The following ZYG11B variants were observed in gnomAD, a reference collection of about 807,000 sequenced individuals.
ZYG11B encodes the protein zyg-11 family member B, cell cycle regulator, also known as protein zyg-11 homolog B.
A neutral mutation model predicts 82.4 loss-of-function variants in ZYG11B; 36 were observed. The ratio of observed to expected loss-of-function variants is 0.44; its 90% CI spans 0.33 to 0.58. The LOEUF (loss-of-function observed/expected upper bound fraction) is 0.58, where lower values mean the gene tolerates loss of function less well. ZYG11B is among the 20% of genes least tolerant of loss of function. The pLI is 0.02. For missense variants in ZYG11B, 552 were observed against 895.6 expected (o/e 0.62, Z 4.90); for synonymous variants, 303 against 312.8 (o/e 0.97, Z 0.33).
chr1:52,812,324 T>A (rs1412983476), intron 10 of ZYG11B, among the ~76,000 whole-genome samples: 2 of 152,206 alleles, frequency 1.3e-5, no homozygotes, highest in African/African-American at 4.8e-5. Context: ...TCTTATACTT[T>A]GTTCTTGCAT....
chr1:52,771,695 G>A lies in ZYG11B; in HGVS notation c.872G>A (p.Arg291His), dbSNP rs749724741. Reference sequence around the variant, plus strand: ...GCCGTTGAAGCCTTTATACAACAACGTCCAAGCATGCAATTTGTAGGTTTG... The same window carrying A: ...GCCGTTGAAGCCTTTATACAACAACATCCAAGCATGCAATTTGTAGGTTTG... ...DKAVEAFIQQRPSMQFVGLLA... is the reference protein window; with the variant it reads ...DKAVEAFIQQHPSMQFVGLLA... The change falls in exon 3 of 14, where the codon CGT becomes CAT. Residue 291 changes from arginine to histidine, a missense_variant. Physicochemically the swap from Arg to His is conservative, Grantham distance 29. Coordinates refer to ENST00000294353, the MANE Select transcript of ZYG11B (RefSeq NM_024646.3). This position sits in a 1 kb window ranked among gnomAD's most constrained non-coding sequence, Gnocchi z 5.4. 5 of 1,614,168 alleles carry A rather than the reference G, an allele frequency of 3.1e-6. No individual in the cohort carries two copies. The highest frequency in any genetic ancestry group is 1.7e-5 in the Admixed American group (1 of 60,012).
chr1:52,790,479 C>G (rs1242705942), intron 6 of ZYG11B, among the ~76,000 whole-genome samples: 12 of 151,720 alleles, frequency 7.9e-5, no homozygotes. Context: ...GCCTATAATC[C>G]CAGCGCTTTA....
At chr1:52,747,163 C>T (rs1276353558) in intron 1 of ZYG11B, among the ~76,000 whole-genome samples, 2 of 151,924 alleles carry the variant, frequency 1.3e-5, no homozygotes, top group African/African-American at 4.8e-5. Context: ...GTTGATCAGT[C>T]TTTGAAAGAA....
In ZYG11B at chr1:52,771,317, G is replaced by A. The variant is rs771959998; in HGVS notation, c.494G>A (p.Arg165Gln). 2 of 1,614,140 alleles carry A rather than the reference G, an allele frequency of 1.2e-6. No individual in the cohort carries two copies. The highest frequency in any genetic ancestry group is 1.7e-6 in the Non-Finnish European group (2 of 1,180,038). ...TGCTTCAGCCGGCTTTCTGGCCTTC[G>A]AGCTTTAAGCATCACGAATGTTCTC... ...ERCFSRLSGL[R>Q]ALSITNVLFY... Residue 165 changes from arginine (R) to glutamine (Q), a missense_variant, in exon 3 of 14, where the codon CGA becomes CAA. This residue lies in a region of ZYG11B where 359 missense variants were observed against 555.8 expected (regional missense o/e 0.65). Transcript: ENST00000294353. The surrounding 1 kb of genome is among the most constrained non-coding windows in gnomAD (Gnocchi z 5.4).
At chr1:52,817,777 G>GTGTATATATATATATA (rs1352242565) in intron 13 of ZYG11B, among the ~76,000 whole-genome samples, 14 of 41,534 alleles carry the variant, frequency 3.4e-4, no homozygotes, top group African/African-American at 3.7e-4. Flanking sequence ...ATATATATGT[G>GTGTATATATATATATA]TATATATATA....
At chr1:52,787,700 A>G (rs1220957770) in intron 5 of ZYG11B, among the ~76,000 whole-genome samples, 1 of 152,218 alleles carries the variant, frequency 6.6e-6, no homozygotes, top group East Asian at 1.9e-4. Flanking sequence ...ATTTGTATAC[A>G]CATTAAAGTT....
rs424026 is a variant in ZYG11B at position 52,726,497 on chromosome 1, G to A, written c.-157G>A. On this transcript the variant is annotated 5_prime_UTR_variant, in exon 1 of 14. Transcript: ENST00000294353. Reference sequence around the variant, plus strand: ...GGGCTGCGGCTGCGGCTGCGGCTGCGGCTGCTACTGCTACGCTCCTAGCTT... The same window carrying A: ...GGGCTGCGGCTGCGGCTGCGGCTGCAGCTGCTACTGCTACGCTCCTAGCTT... The A allele has an allele frequency of 8.3e-5, 50 of 605,046 alleles. No homozygotes were observed. Among genetic ancestry groups the A allele is most frequent in the Non-Finnish European group, 1.2e-4 (50 of 420,816 alleles). The allele number at this position is 605,046 out of a possible 1,614,324, so 37.5% of individuals were successfully genotyped here.
intron 2 of ZYG11B, among the ~76,000 whole-genome samples, chr1:52,757,265 G>A (rs914361142): frequency 2.0e-5 from 3 of 151,920 alleles, no homozygotes; most frequent in African/African-American, 4.8e-5. Flanking sequence ...TTCCAACCTT[G>A]GCCTCCCAAA....
intron 2 of ZYG11B, among the ~76,000 whole-genome samples, chr1:52,758,590 A>G (rs1644599939): frequency 6.6e-6 from 1 of 152,222 alleles, no homozygotes; most frequent in Non-Finnish European, 1.5e-5. Context: ...TGGATGCCAC[A>G]TACTGGTTTA....
rs1644577840 is a variant in ZYG11B, at chr1:52,756,474, A to G, written c.47A>G (p.Tyr16Cys). 4 of 1,613,874 alleles carry G rather than the reference A, an allele frequency of 2.5e-6. No homozygotes were observed. Among genetic ancestry groups the G allele is most frequent in the East Asian group, 2.2e-5 (1 of 44,872 alleles). Reference protein sequence around the residue: ...AGAAMEEASPYSLLDICLNFL... With the variant: ...AGAAMEEASPCSLLDICLNFL... The stretch of plus-strand genomic sequence containing the variant: ...GGCTCCAAGGAGGAGGCGTCTCCCT[A>G]TTCCTTACTTGATATCTGCTTGAAT... Residue 16 changes from tyrosine (Y) to cysteine (C), a missense_variant, in exon 2 of 14, where the codon TAT (tyrosine) becomes TGT (cysteine). This residue lies in a region of ZYG11B where 359 missense variants were observed against 555.8 expected (regional missense o/e 0.65). Coordinates refer to ENST00000294353, the MANE Select transcript of ZYG11B (RefSeq NM_024646.3).
chr1:52,819,158 G>A (rs1645259478), intron 13 of ZYG11B, among the ~76,000 whole-genome samples: 1 of 152,114 alleles, frequency 6.6e-6, no homozygotes, highest in African/African-American at 2.4e-5. Context: ...GTCAGATAAA[G>A]AAGAATAATT....
chr1:52,795,260 C>T (rs973122646), intron 6 of ZYG11B, among the ~76,000 whole-genome samples: 2 of 152,160 alleles, frequency 1.3e-5, no homozygotes, highest in African/African-American at 2.4e-5. Context: ...CTTTGCCCTT[C>T]CATCTCCTTC....
chr1:52,813,943 G>C (rs1645203511), intron 12 of ZYG11B, 31 bp downstream of exon 12: 2 of 1,606,238 alleles, frequency 1.2e-6, no homozygotes, highest in Admixed American at 1.7e-5. Flanking sequence ...CAGTAAACCA[G>C]CAACCTAGTC....
intron 1 of ZYG11B, among the ~76,000 whole-genome samples, chr1:52,743,282 G>A (rs1296176826): frequency 6.6e-6 from 1 of 150,950 alleles, no homozygotes; most frequent in Non-Finnish European, 1.5e-5. Flanking sequence ...AGGGTCTTCT[G>A]CCTAGGAAAA....
At chr1:52,736,887 C>A (rs989742704) in intron 1 of ZYG11B, among the ~76,000 whole-genome samples, 1 of 149,678 alleles carries the variant, frequency 6.7e-6, no homozygotes, top group Non-Finnish European at 1.5e-5. Context: ...CTGTGCCTGG[C>A]CTGAAAGTGT....
chr1:52,769,022 G>C (rs1252192235), intron 2 of ZYG11B, among the ~76,000 whole-genome samples: 1 of 151,864 alleles, frequency 6.6e-6, no homozygotes, highest in Non-Finnish European at 1.5e-5. Flanking sequence ...CTTTGTTTTT[G>C]TGATACTTTA....
intron 1 of ZYG11B, among the ~76,000 whole-genome samples, chr1:52,749,379 A>G (rs1356285936): frequency 6.6e-6 from 1 of 152,182 alleles, no homozygotes; most frequent in Non-Finnish European, 1.5e-5. Context: ...TATTTGGGGC[A>G]GGGAGAAGGG....
intron 1 of ZYG11B, among the ~76,000 whole-genome samples, chr1:52,732,942 C>T (rs559903132): frequency 6.6e-6 from 1 of 151,984 alleles, no homozygotes; most frequent in Admixed American, 6.6e-5. Context: ...AGCCATTGCA[C>T]TCCAGCCTGG....
intron 5 of ZYG11B, among the ~76,000 whole-genome samples, chr1:52,786,926 A>C (rs939418426): frequency 6.6e-6 from 1 of 152,110 alleles, no homozygotes. Context: ...CCCTATCCCT[A>C]CTAAAAATAC....
Sources: allele counts gnomAD v4.1 joint callset (sites outside exome capture counted in the v4.1 genomes callset), GRCh38; gene constraint gnomAD v4.1.1; regional missense constraint gnomAD v4.1.1; non-coding constraint Gnocchi (gnomAD v3.1); transcripts MANE v1.5; gene names NCBI Gene and HGNC (gene_info 2026-07-23, HGNC 2026-07-21).